DACH1: variants seen among roughly 807,000 people sequenced by gnomAD.
The protein encoded by DACH1 is dachshund family transcription factor 1, also known as dachshund homolog 1.
Under a neutral mutation model 54.2 loss-of-function variants are expected in DACH1, and 12 were observed. The observed-to-expected ratio is 0.22, with a 90% CI of 0.14 to 0.36. The LOEUF (loss-of-function observed/expected upper bound fraction) is 0.36, where lower values mean the gene tolerates loss of function less well. Ranked by LOEUF, DACH1 falls within the 10% of genes least tolerant of loss-of-function variation. DACH1 has a pLI of 1.00. For missense variants in DACH1, 805 were observed against 929.8 expected, an observed-to-expected ratio of 0.87 and a Z score of 1.75; for synonymous variants, 386 against 366.2, an observed-to-expected ratio of 1.05 and a Z score of -0.62.
intron 6 of DACH1, among the ~76,000 whole-genome samples, chr13:71,540,621 C>T (rs1406306088): frequency 6.6e-6 from 1 of 152,000 alleles, no homozygotes; most frequent in African/African-American, 2.4e-5. Context: ...ATCAAAAAAT[C>T]CAGATTTTTT....
intron 10 of DACH1, among the ~76,000 whole-genome samples, chr13:71,456,911 T>C (rs1294622709): frequency 6.6e-6 from 1 of 152,030 alleles, no homozygotes; most frequent in Non-Finnish European, 1.5e-5. Flanking sequence ...GTTGCAGCCC[T>C]AGACACTTGA....
intron 1 of DACH1, among the ~76,000 whole-genome samples, chr13:71,838,575 CA>C (rs1888887524): frequency 6.6e-6 from 1 of 152,074 alleles, no homozygotes; most frequent in African/African-American, 2.4e-5. Flanking sequence ...TCGTATCACC[CA>C]AAACAATGTG....
chr13:71,649,719 T>C (rs930937712), intron 2 of DACH1, among the ~76,000 whole-genome samples: 1 of 152,178 alleles, frequency 6.6e-6, no homozygotes, highest in African/African-American at 2.4e-5. Flanking sequence ...CACATTGTCA[T>C]TACATTACCT....
chr13:71,522,327 A>G (rs1306919539), intron 6 of DACH1, among the ~76,000 whole-genome samples: 2 of 152,032 alleles, frequency 1.3e-5, no homozygotes, highest in African/African-American at 2.4e-5. Flanking sequence ...CTGGGGGAAG[A>G]GGGTTGAGAC....
chr13:71,760,296 G>A (rs953259410), intron 1 of DACH1, among the ~76,000 whole-genome samples: 6 of 152,168 alleles, frequency 3.9e-5, no homozygotes, highest in South Asian at 2.1e-4. Flanking sequence ...AGCGAGAGGC[G>A]AATGATTCTC....
chr13:71,556,293 A>G (rs552344372), intron 6 of DACH1, among the ~76,000 whole-genome samples: 19 of 152,254 alleles, frequency 1.2e-4, no homozygotes, highest in Non-Finnish European at 2.2e-4. Flanking sequence ...TATCCTATCT[A>G]TATTTATAAA....
At chr13:71,634,598 G>T (rs1249005196) in intron 2 of DACH1, among the ~76,000 whole-genome samples, 1 of 152,140 alleles carries the variant, frequency 6.6e-6, no homozygotes, top group Non-Finnish European at 1.5e-5. Flanking sequence ...TGGAGGCTCA[G>T]GTTCCTGACT....
intron 6 of DACH1, among the ~76,000 whole-genome samples, chr13:71,534,471 A>G (rs1368784980): frequency 6.6e-6 from 1 of 151,934 alleles, no homozygotes; most frequent in Non-Finnish European, 1.5e-5. Flanking sequence ...TATGAAAAGT[A>G]AAAACATATT....
intron 1 of DACH1, among the ~76,000 whole-genome samples, chr13:71,821,166 G>A (rs1327882655): frequency 3.3e-5 from 5 of 152,180 alleles, no homozygotes; most frequent in Non-Finnish European, 7.4e-5. Flanking sequence ...TCCCATTTGT[G>A]AACATTGGTT....
At chr13:71,858,913 CTCTG>C (rs990508144) in intron 1 of DACH1, among the ~76,000 whole-genome samples, 1 of 151,620 alleles carries the variant, frequency 6.6e-6, no homozygotes, top group African/African-American at 2.4e-5. Flanking sequence ...CTCTCTCTCT[CTCTG>C]TATCTCTCTC....
intron 1 of DACH1, among the ~76,000 whole-genome samples, chr13:71,767,510 T>G (rs531569938): frequency 1.3e-5 from 2 of 152,182 alleles, no homozygotes; most frequent in South Asian, 4.2e-4. Flanking sequence ...AGATCAAGCT[T>G]CACAGTCGCT....
At chr13:71,475,444 T>G (rs537295457) in intron 9 of DACH1, among the ~76,000 whole-genome samples, 1 of 152,294 alleles carries the variant, frequency 6.6e-6, no homozygotes, top group African/African-American at 2.4e-5. Context: ...ATTACTATTT[T>G]ATTGTGCTTC....
intron 1 of DACH1, among the ~76,000 whole-genome samples, chr13:71,755,274 T>G (rs1885097603): frequency 6.6e-6 from 1 of 152,194 alleles, no homozygotes; most frequent in Non-Finnish European, 1.5e-5. Flanking sequence ...AAAAGATATT[T>G]TGGATATTAA....
intron 1 of DACH1, among the ~76,000 whole-genome samples, chr13:71,709,607 G>T (rs1401656403): frequency 6.6e-6 from 1 of 152,116 alleles, no homozygotes; most frequent in Admixed American, 6.5e-5. Flanking sequence ...GTGTGAAAAG[G>T]CCAGAGTAGT....
intron 6 of DACH1, among the ~76,000 whole-genome samples, chr13:71,520,714 T>G: frequency 6.6e-6 from 1 of 151,550 alleles, no homozygotes; most frequent in South Asian, 2.1e-4. Flanking sequence ...AAAAGGAAAT[T>G]GAATTAACAA....
chr13:71,451,160 A>G lies in DACH1; in HGVS notation c.2084-10468T>C, dbSNP rs374551313. Among the ~76,000 whole-genome samples the G allele has an allele frequency of 3.9e-5, 6 of 152,300 alleles. No homozygotes were observed. In the East Asian group the frequency reaches 9.7e-4, roughly 25 times the overall value. ...AGCCCTTCGACAAAGTGTTTTAGTC[A>G]CGAATGAGTGGCCTAAACTCATGTA... On this transcript the variant is annotated intron_variant, in intron 10 of 10. Coordinates refer to ENST00000613252, the MANE Select transcript of DACH1 (RefSeq NM_080759.6).
chr13:71,514,585 A>G (rs1033998828), intron 6 of DACH1, among the ~76,000 whole-genome samples: 1 of 151,828 alleles, frequency 6.6e-6, no homozygotes, highest in African/African-American at 2.4e-5. Flanking sequence ...GTATATATAG[A>G]TATATATAGT....
intron 1 of DACH1, among the ~76,000 whole-genome samples, chr13:71,786,070 G>C (rs2138079672): frequency 6.6e-6 from 1 of 152,216 alleles, no homozygotes; most frequent in South Asian, 2.1e-4. Flanking sequence ...AATGGAAAAA[G>C]TTTAAAAGGC....
intron 7 of DACH1, among the ~76,000 whole-genome samples, chr13:71,486,272 G>A (rs1878494463): frequency 6.6e-6 from 1 of 151,890 alleles, no homozygotes; most frequent in African/African-American, 2.4e-5. Context: ...TTTAAAAAAT[G>A]GAACTTTAAA....
Sources: gnomAD v4.1 joint callset for allele counts (sites outside exome capture counted in the v4.1 genomes callset) on GRCh38, gnomAD v4.1.1 for gene constraint, MANE v1.5 for transcripts, NCBI Gene and HGNC (gene_info 2026-07-23, HGNC 2026-07-21) for gene names.